The following TAOK1 variants were observed in gnomAD, a reference collection of about 807,000 sequenced individuals.
TAOK1 encodes the protein TAO kinase 1.
A neutral mutation model predicts 138.3 loss-of-function variants in TAOK1; 21 were observed. That is an observed-to-expected ratio of 0.15 (90% CI 0.11 to 0.22). The LOEUF (loss-of-function observed/expected upper bound fraction) is 0.22. TAOK1 is among the 10% of genes least tolerant of loss of function. The probability of loss-of-function intolerance (pLI) is 1.00; values close to 1 mark genes in which losing one functional copy is unlikely to be tolerated. For synonymous variants in TAOK1, 361 were observed against 398.4 expected, an observed-to-expected ratio of 0.91 and a Z score of 1.12; for missense variants, 651 against 1,227.7, an observed-to-expected ratio of 0.53 and a Z score of 7.02.
chr17:29,531,374 G>C (rs2032104676), intron 18 of TAOK1, among the ~76,000 whole-genome samples: 1 of 152,032 alleles, frequency 6.6e-6, no homozygotes, highest in African/African-American at 2.4e-5. Flanking sequence ...CACCTCCCGG[G>C]TTCAAGGGGA....
chr17:29,480,216 T>G, intron 6 of TAOK1, 152 bp from the exon 7 acceptor site: 1 of 429,902 alleles, frequency 2.3e-6, no homozygotes, highest in East Asian at 3.6e-5. Flanking sequence ...ATTTGAATAT[T>G]AATTCTCCTT....
At chr17:29,524,724 G>T (rs1470574413) in intron 17 of TAOK1, among the ~76,000 whole-genome samples, 1 of 152,122 alleles carries the variant, frequency 6.6e-6, no homozygotes, top group African/African-American at 2.4e-5. Context: ...TAGTAGCGGA[G>T]GCAGAATTTA....
intron 1 of TAOK1, among the ~76,000 whole-genome samples, chr17:29,448,805 C>G (rs1323051702): frequency 6.7e-6 from 1 of 149,080 alleles, no homozygotes; most frequent in Non-Finnish European, 1.5e-5. Flanking sequence ...TATATAATAA[C>G]TGTAGATGGT....
chr17:29,460,959 G>T (rs1281962581), intron 2 of TAOK1, among the ~76,000 whole-genome samples: 1 of 152,074 alleles, frequency 6.6e-6, no homozygotes, highest in Non-Finnish European at 1.5e-5. Flanking sequence ...TAAAGAGAGT[G>T]AGAGGAAGTG....
chr17:29,528,279 C>A (rs1044402836), intron 17 of TAOK1, among the ~76,000 whole-genome samples: 1 of 152,092 alleles, frequency 6.6e-6, no homozygotes, highest in Non-Finnish European at 1.5e-5. Flanking sequence ...CAAACTCGAC[C>A]TCAAATGATC....
At chr17:29,505,765 C>A (rs2031618823) in intron 13 of TAOK1, among the ~76,000 whole-genome samples, 1 of 151,974 alleles carries the variant, frequency 6.6e-6, no homozygotes, top group African/African-American at 2.4e-5. Context: ...GAAACCCTGT[C>A]TCTACTAAAA....
chr17:29,399,030 A>G (rs1904754262), intron 1 of TAOK1, among the ~76,000 whole-genome samples: 1 of 145,870 alleles, frequency 6.9e-6, no homozygotes, highest in Non-Finnish European at 1.5e-5. Context: ...CCTGTCACCC[A>G]GACTGGAGTG....
At chr17:29,421,272 T>A (rs1258122618) in intron 1 of TAOK1, among the ~76,000 whole-genome samples, 2 of 152,198 alleles carry the variant, frequency 1.3e-5, no homozygotes, top group African/African-American at 4.8e-5. Flanking sequence ...TATGGATTGA[T>A]TTTTACTCCT....
intron 2 of TAOK1, among the ~76,000 whole-genome samples, chr17:29,464,245 C>T (rs1395426948): frequency 6.6e-6 from 1 of 151,194 alleles, no homozygotes; most frequent in Admixed American, 6.6e-5. Context: ...ACCATCCTGG[C>T]TAACACGATG....
rs772986529 is a variant in TAOK1, at chr17:29,480,504, G to A, written c.563+23G>A. On this transcript the variant is annotated intron_variant, in intron 7 of 19. Coordinates refer to ENST00000261716, the MANE Select transcript of TAOK1 (RefSeq NM_020791.4). ...TTGGTAAGAATAGTTAAAGCAGTCA[G>A]CAGCTGTTTTAAGTGTCTGTCTATG... 4.5e-5 allele frequency: 70 copies of A among 1,570,342 alleles called. No homozygotes were observed. The Admixed American group carries it at 1.2e-3, about 26-fold the overall frequency.
intron 12 of TAOK1, 47 bp from the exon 13 acceptor site, chr17:29,502,538 TCAAA>T (rs1348898918): frequency 6.5e-7 from 1 of 1,549,606 alleles, no homozygotes; most frequent in East Asian, 2.3e-5. Flanking sequence ...CCATAAAGAT[TCAAA>T]CAAACTGTTC....
rs1479397826 is a variant in TAOK1 at position 29,543,059 on chromosome 17, C to G, written c.*37C>G. ...AGAGTGGCAATTCCGCTGGAGCTGT[C>G]TGCCAAAAGAAACTGCCTACAGACA... On this transcript the variant is annotated 3_prime_UTR_variant, in exon 20 of 20. Coordinates refer to ENST00000261716, the MANE Select transcript of TAOK1 (RefSeq NM_020791.4). The G allele has an allele frequency of 6.7e-7, 1 of 1,491,288 alleles. No individual in the cohort carries two copies. Among genetic ancestry groups the G allele is most frequent in the Non-Finnish European group, 9.0e-7 (1 of 1,110,768 alleles). 92.4% of individuals were successfully genotyped at this position (1,491,288 alleles called of 1,614,324 possible). A position where few individuals can be genotyped will look rare whatever the true frequency, so the allele number is the denominator to read the frequency against.
intron 1 of TAOK1, among the ~76,000 whole-genome samples, chr17:29,409,545 G>A (rs976552028): frequency 6.6e-6 from 1 of 151,612 alleles, no homozygotes; most frequent in Non-Finnish European, 1.5e-5. Context: ...ATGTTAGTCA[G>A]GATGGTCTCG....
At chr17:29,479,057 G>C (rs149265795) in intron 6 of TAOK1, among the ~76,000 whole-genome samples, 3 of 151,878 alleles carry the variant, frequency 2.0e-5, no homozygotes, top group African/African-American at 4.8e-5. Flanking sequence ...CCCGGGAGGC[G>C]GAGTTTGCAG....
chr17:29,488,460 C>CTCGGGAGGCTGAGATAGGAGAGAA (rs1555564481), intron 8 of TAOK1, among the ~76,000 whole-genome samples: 1 of 149,924 alleles, frequency 6.7e-6, no homozygotes, highest in Non-Finnish European at 1.5e-5. Flanking sequence ...ATCCCAGGTA[C>CTCGGGAGGCTGAGATAGGAGAGAA]TCGGGAGGCT....
intron 17 of TAOK1, among the ~76,000 whole-genome samples, chr17:29,523,936 TCA>T (rs1305950694): frequency 2.0e-5 from 3 of 152,172 alleles, no homozygotes; most frequent in African/African-American, 7.2e-5. Context: ...TGAAATTCAT[TCA>T]CAGAGGTAAT....
chr17:29,495,593 G>C lies in TAOK1; in HGVS notation c.865G>C (p.Val289Leu). ...TGTTCTTCGGGAGCGCCCTGAAACC[G>C]TGTTAATAGATCTCATTCAGAGGAC... ...IFVLRERPET[V>L]LIDLIQRTKD... The change falls in exon 11 of 20, where the codon GTG (valine) becomes CTG (leucine). Residue 289 changes from valine (V) to leucine (L), a missense_variant. Val to Leu is a conservative substitution (Grantham distance 32, BLOSUM62 1). This residue lies in a region of TAOK1 where 39 missense variants were observed against 52.5 expected (regional missense o/e 0.74). Coordinates refer to ENST00000261716, the MANE Select transcript of TAOK1 (RefSeq NM_020791.4). The C allele has an allele frequency of 6.2e-7, 1 of 1,609,630 alleles. No homozygotes were observed. The highest frequency in any genetic ancestry group is 8.5e-7 in the Non-Finnish European group (1 of 1,177,196).
chr17:29,438,729 T>G (rs1243247663), intron 1 of TAOK1, among the ~76,000 whole-genome samples: 1 of 152,198 alleles, frequency 6.6e-6, no homozygotes, highest in Admixed American at 6.6e-5. Flanking sequence ...TAAAACATGA[T>G]TAGAAGTAAC....
intron 1 of TAOK1, among the ~76,000 whole-genome samples, chr17:29,408,259 G>C (rs985506682): frequency 7.3e-6 from 1 of 137,248 alleles, no homozygotes; most frequent in Non-Finnish European, 1.5e-5. Flanking sequence ...GGATCTTGCT[G>C]TGTCCCCCAG....
Sources: gnomAD v4.1 joint callset for allele counts (sites outside exome capture counted in the v4.1 genomes callset) on GRCh38, gnomAD v4.1.1 for gene constraint, gnomAD v4.1.1 regional missense constraint, MANE v1.5 for transcripts, NCBI Gene and HGNC (gene_info 2026-07-23, HGNC 2026-07-21) for gene names.